The following GRIN2A variants were observed in gnomAD, a reference collection of about 807,000 sequenced individuals.
GRIN2A encodes glutamate ionotropic receptor NMDA type subunit 2A.
In GRIN2A, 22 loss-of-function variants were observed where a neutral mutation model predicts 113.4. The ratio of observed to expected loss-of-function variants is 0.19; its 90% confidence interval spans 0.14 to 0.28. The LOEUF (loss-of-function observed/expected upper bound fraction) is 0.28, where lower values mean the gene tolerates loss of function less well. Among genes scored for constraint, GRIN2A ranks in the 10% least tolerant of loss-of-function variants. The pLI, the probability that GRIN2A is intolerant of heterozygous loss-of-function variation, is 1.00. For missense variants in GRIN2A, 1,502 were observed against 1,887.0 expected, an observed-to-expected ratio of 0.80 and a Z score of 3.78; for synonymous variants, 827 against 738.4, an observed-to-expected ratio of 1.12 and a Z score of -1.94.
intron 2 of GRIN2A, among the ~76,000 whole-genome samples, chr16:9,971,887 G>A (rs941872023): frequency 1.3e-5 from 2 of 152,168 alleles, no homozygotes; most frequent in Non-Finnish European, 2.9e-5. Flanking sequence ...TTGAAACATG[G>A]AAGAAGGGCT....
chr16:10,099,018 T>G (rs894872046), intron 2 of GRIN2A, among the ~76,000 whole-genome samples: 1 of 152,082 alleles, frequency 6.6e-6, no homozygotes, highest in African/African-American at 2.4e-5. Context: ...TATTTCAGTT[T>G]GTGTTCTCCA....
intron 2 of GRIN2A, among the ~76,000 whole-genome samples, chr16:10,059,184 G>T (rs748431913): frequency 1.3e-5 from 2 of 152,180 alleles, no homozygotes; most frequent in African/African-American, 2.4e-5. Context: ...GATGTGCTGG[G>T]CCCCACAGAC....
chr16:9,793,326 G>GC (rs913706688), intron 11 of GRIN2A, among the ~76,000 whole-genome samples: 16 of 151,916 alleles, frequency 1.1e-4, no homozygotes, highest in African/African-American at 3.4e-4. Flanking sequence ...TTTTGTTCTG[G>GC]CCCCCAGATA....
chr16:10,034,204 A>G (rs1021749618), intron 2 of GRIN2A, among the ~76,000 whole-genome samples: 2 of 152,088 alleles, frequency 1.3e-5, no homozygotes, highest in Non-Finnish European at 2.9e-5. Context: ...CTGGTCAGTG[A>G]TCAGGGAAGC....
intron 2 of GRIN2A, among the ~76,000 whole-genome samples, chr16:10,148,651 G>A (rs535983569): frequency 9.3e-4 from 141 of 152,238 alleles, no homozygotes; most frequent in African/African-American, 3.2e-3. Flanking sequence ...CATCCAGCAC[G>A]TTAACTATAC....
intron 2 of GRIN2A, among the ~76,000 whole-genome samples, chr16:9,994,457 A>G (rs2046184601): frequency 6.6e-6 from 1 of 152,224 alleles, no homozygotes; most frequent in Non-Finnish European, 1.5e-5. Context: ...CCCATCAATT[A>G]GGAGGAAAGC....
At chr16:9,914,417 A>G (rs2044201825) in intron 3 of GRIN2A, among the ~76,000 whole-genome samples, 1 of 152,184 alleles carries the variant, frequency 6.6e-6, no homozygotes, top group East Asian at 1.9e-4. Context: ...ATTGTCCAAT[A>G]GTGTCTAATA....
rs973215308 is a variant in GRIN2A at position 10,078,217 on chromosome 16, A to G, written c.414+101781T>C. Reference sequence around the variant, plus strand: ...GTCCACGGATTGAAACATCTTCATAACATGTGAGACACTGTTGCTCTGTGG... The same window carrying G: ...GTCCACGGATTGAAACATCTTCATAGCATGTGAGACACTGTTGCTCTGTGG... On this transcript the variant is annotated intron_variant, in intron 2 of 12. Transcript: ENST00000330684. 3.3e-5 allele frequency among the ~76,000 whole-genome samples: 5 copies of G among 152,218 alleles called. No homozygotes were observed. In the East Asian group the frequency reaches 7.7e-4, roughly 23 times the overall value.
intron 2 of GRIN2A, chr16:10,112,610 C>A: frequency 1.3e-6 from 1 of 771,136 alleles, no homozygotes. Context: ...TCAAGAAGTA[C>A]TGGGGCATGG....
At chr16:10,044,048 C>CAGAGAG (rs2047218291) in intron 2 of GRIN2A, among the ~76,000 whole-genome samples, 2 of 126,980 alleles carry the variant, frequency 1.6e-5, no homozygotes, top group African/African-American at 6.3e-5. Context: ...GAGAGAGAGA[C>CAGAGAG]AGAGACAGAG....
rs1900761217 is a variant in GRIN2A at position 9,764,243 on chromosome 16, C to T, written c.3301G>A (p.Val1101Ile). Residue 1101 changes from valine (V) to isoleucine (I), a missense_variant, in exon 13 of 13, where the codon GTC (valine) becomes ATC (isoleucine). Val to Ile is a conservative substitution (Grantham distance 29, BLOSUM62 3). This residue lies in a region of GRIN2A where 832 missense variants were observed against 789.7 expected (regional missense o/e 1.05). Coordinates refer to ENST00000330684, the MANE Select transcript of GRIN2A (RefSeq NM_001134407.3). Reference protein sequence around the residue: ...ASKYPKDCSEVERTYLKTKSS... With the variant: ...ASKYPKDCSEIERTYLKTKSS... ...TTGGTTTTCAGGTAGGTGCGCTCGACCTCACTACAGTCCTTGGGGTATTTG... is the reference window on the plus strand; with the variant it reads ...TTGGTTTTCAGGTAGGTGCGCTCGATCTCACTACAGTCCTTGGGGTATTTG... The T allele has an allele frequency of 1.2e-6, 2 of 1,613,974 alleles. No homozygotes were observed. Among genetic ancestry groups the T allele is most frequent in the South Asian group, 2.2e-5 (2 of 91,064 alleles).
chr16:10,012,196 C>A (rs1234526501), intron 2 of GRIN2A, among the ~76,000 whole-genome samples: 1 of 152,078 alleles, frequency 6.6e-6, no homozygotes, highest in Non-Finnish European at 1.5e-5. Context: ...TATGCTTTGT[C>A]TTACATATTC....
At chr16:9,977,938 G>A (rs766269367) in intron 2 of GRIN2A, among the ~76,000 whole-genome samples, 10 of 152,276 alleles carry the variant, frequency 6.6e-5, no homozygotes, top group Admixed American at 1.3e-4. Flanking sequence ...CAACGAAGAT[G>A]AAGAAAAAGA....
chr16:9,915,056 C>G (rs976466012), intron 3 of GRIN2A, among the ~76,000 whole-genome samples: 3 of 150,208 alleles, frequency 2.0e-5, no homozygotes, highest in Non-Finnish European at 4.4e-5. Context: ...CCTGCCTCAG[C>G]CTCCCTAGTA....
chr16:9,957,581 A>G (rs2045336422), intron 2 of GRIN2A, among the ~76,000 whole-genome samples: 2 of 152,210 alleles, frequency 1.3e-5, no homozygotes, highest in South Asian at 4.1e-4. Context: ...GTGGAAATAA[A>G]GCAAATATAA....
chr16:9,847,460 G>A (rs925278969), intron 5 of GRIN2A, among the ~76,000 whole-genome samples: 1 of 151,982 alleles, frequency 6.6e-6, no homozygotes, highest in Admixed American at 6.6e-5. Context: ...AGCTATTCAG[G>A]AGGTTGAGGT....
intron 12 of GRIN2A, 135 bp from the exon 13 acceptor site, chr16:9,765,083 T>G (rs1900833140): frequency 1.9e-6 from 2 of 1,067,364 alleles, no homozygotes; most frequent in Admixed American, 3.7e-5. Flanking sequence ...AAATTCAGTC[T>G]GAATCCTGAT....
intron 2 of GRIN2A, among the ~76,000 whole-genome samples, chr16:9,964,589 C>G (rs1030961539): frequency 6.6e-6 from 1 of 152,126 alleles, no homozygotes; most frequent in Admixed American, 6.6e-5. Flanking sequence ...AGGGGAGAAT[C>G]CACTTCCTTG....
intron 8 of GRIN2A, among the ~76,000 whole-genome samples, chr16:9,832,893 G>T (rs986333190): frequency 1.3e-5 from 2 of 152,188 alleles, no homozygotes; most frequent in African/African-American, 4.8e-5. Context: ...TGAGGAAGAA[G>T]TTGAAAGATT....
Sources: gnomAD v4.1 joint callset for allele counts (sites outside exome capture counted in the v4.1 genomes callset) on GRCh38, gnomAD v4.1.1 for gene constraint, gnomAD v4.1.1 regional missense constraint, MANE v1.5 for transcripts, NCBI Gene and HGNC (gene_info 2026-07-23, HGNC 2026-07-21) for gene names.